The following WDR19 variants were observed in gnomAD, a reference collection of about 807,000 sequenced individuals.
WDR19 encodes WD repeat domain 19, also known as WD repeat-containing protein 19.
A neutral mutation model predicts 180.0 loss-of-function variants in WDR19; 121 were observed. That is an observed-to-expected ratio of 0.67 (90% CI 0.58 to 0.78). WDR19 has a LOEUF of 0.78. Among genes scored for constraint, WDR19 ranks in the 30% least tolerant of loss-of-function variants. The pLI, the probability that WDR19 is intolerant of heterozygous loss-of-function variation, is 0.00. For synonymous variants in WDR19, 497 were observed against 540.7 expected, an observed-to-expected ratio of 0.92 and a Z score of 1.12; for missense variants, 1,450 against 1,640.7, an observed-to-expected ratio of 0.88 and a Z score of 2.01.
intron 9 of WDR19, among the ~76,000 whole-genome samples, chr4:39,213,193 G>A (rs1260143619): frequency 1.3e-5 from 2 of 152,158 alleles, no homozygotes; most frequent in African/African-American, 4.8e-5. Flanking sequence ...TTAAAAAACT[G>A]GACATGCAAT....
chr4:39,230,828 A>G (rs754047807), intron 17 of WDR19, among the ~76,000 whole-genome samples: 12 of 152,218 alleles, frequency 7.9e-5, no homozygotes, highest in Non-Finnish European at 1.6e-4. Context: ...GATGTAATAT[A>G]TTCACTCATG....
At position 39,185,721 on chromosome 4, in the gene WDR19, T is replaced by C; in HGVS notation, c.7-5T>C. Reference sequence around the variant, plus strand: ...AAAATATTAAAAATTGTGTTTATTTTTTAGCGTATTTTCTCACTGCTAGAA... The same window carrying C: ...AAAATATTAAAAATTGTGTTTATTTCTTAGCGTATTTTCTCACTGCTAGAA... On this transcript the variant is annotated splice_polypyrimidine_tract_variant and splice_region_variant and intron_variant, in intron 1 of 36. Transcript: ENST00000399820. The C allele has an allele frequency of 6.4e-7, 1 of 1,552,526 alleles. No individual in the cohort carries two copies.
At chr4:39,280,972 A>G (rs1467259970) in intron 36 of WDR19, among the ~76,000 whole-genome samples, 22 of 152,246 alleles carry the variant, frequency 1.4e-4, no homozygotes, top group Admixed American at 1.4e-3. Context: ...GAATTTGCTG[A>G]AAAGACAAAT....
chr4:39,217,486 A>G (rs911874800), intron 13 of WDR19, among the ~76,000 whole-genome samples: 1 of 152,260 alleles, frequency 6.6e-6, no homozygotes, highest in South Asian at 2.1e-4. Flanking sequence ...GTAAAACAGT[A>G]ATAATAATAA....
intron 24 of WDR19, among the ~76,000 whole-genome samples, chr4:39,248,924 T>TGGG (rs1732825360): frequency 6.6e-6 from 1 of 152,170 alleles, no homozygotes; most frequent in Non-Finnish European, 1.5e-5. Flanking sequence ...AACACCCCAC[T>TGGG]GTCAACATTA....
chr4:39,223,469 T>A (rs7677968), intron 14 of WDR19, among the ~76,000 whole-genome samples: 48,896 of 152,002 alleles, frequency 0.32, 8,061 homozygotes, highest in African/African-American at 0.37. Context: ...TAGCTGGGAT[T>A]ACAGGCACAC....
rs1456946828 is a variant in WDR19 at position 39,278,126 on chromosome 4, T to G, written c.3841-5T>G. 2.5e-6 allele frequency: 4 copies of G among 1,598,336 alleles called. No homozygotes were observed. Among genetic ancestry groups the G allele is most frequent in the Non-Finnish European group, 3.4e-6 (4 of 1,171,962 alleles). On this transcript the variant is annotated splice_polypyrimidine_tract_variant and splice_region_variant and intron_variant, in intron 34 of 36. Coordinates refer to ENST00000399820, the MANE Select transcript of WDR19 (RefSeq NM_025132.4). ...GAATTTAACTCTTAAACATCCTGTT[T>G]CCAGGGTCGACACATGTTGAAAGAT...
chr4:39,200,655 T>C (rs1428193385), intron 6 of WDR19, among the ~76,000 whole-genome samples: 1 of 152,218 alleles, frequency 6.6e-6, no homozygotes, highest in Non-Finnish European at 1.5e-5. Context: ...CATTCAAGAC[T>C]GAAGCTGCAT....
intron 6 of WDR19, among the ~76,000 whole-genome samples, chr4:39,202,326 A>G (rs1409654639): frequency 2.0e-5 from 3 of 152,140 alleles, no homozygotes; most frequent in Non-Finnish European, 1.5e-5. Flanking sequence ...TCGTTTTTAG[A>G]AAGTACTTTG....
chr4:39,284,645 TAAAA>T (rs144371093), intron 36 of WDR19, among the ~76,000 whole-genome samples: 104 of 132,160 alleles, frequency 7.9e-4, no homozygotes, highest in Middle Eastern at 3.9e-3. Context: ...CCTGGCTTTC[TAAAA>T]AAAAAAAAAA....
At chr4:39,283,074 G>A (rs1222150468) in intron 36 of WDR19, among the ~76,000 whole-genome samples, 2 of 152,176 alleles carry the variant, frequency 1.3e-5, no homozygotes, top group Non-Finnish European at 2.9e-5. Context: ...TTGGAAGAAG[G>A]CATTTAGTAT....
In WDR19 at chr4:39,231,851, T is replaced by A; in HGVS notation, c.2037T>A (p.Asn679Lys). Residue 679 changes from asparagine to lysine, a missense_variant, in exon 18 of 37, where the codon AAT becomes AAA. Coordinates refer to ENST00000399820, the MANE Select transcript of WDR19 (RefSeq NM_025132.4). ...CRILNDEAAW[N>K]ELARACLHHM... is the part of the protein sequence containing the mutation. ...TTCTGAATGATGAGGCTGCCTGGAA[T>A]GAGTTGGCCAGAGCTTGTCTACATC... is the stretch of plus-strand genomic sequence containing the variant. The A allele has an allele frequency of 6.2e-7, 1 of 1,607,400 alleles. No homozygotes were observed. The highest frequency in any genetic ancestry group is 8.5e-7 in the Non-Finnish European group (1 of 1,174,694).
At position 39,240,354 on chromosome 4, in the gene WDR19, A is replaced by G. The variant is rs1309972555; in HGVS notation, c.2421+20A>G. The G allele has an allele frequency of 2.2e-6, 3 of 1,360,456 alleles. No homozygotes were observed. In the East Asian group the frequency reaches 8.6e-5, roughly 39 times the overall value. 84.3% of individuals were successfully genotyped at this position (1,360,456 alleles called of 1,614,324 possible). A position where few individuals can be genotyped will look rare whatever the true frequency, so the allele number is the denominator to read the frequency against. ...AATAAGGTAACCTTGGATAAAGATA[A>G]GATATGCCTAATTATGTCTGGGTTT... On this transcript the variant is annotated intron_variant, in intron 21 of 36. Transcript: ENST00000399820.
intron 9 of WDR19, among the ~76,000 whole-genome samples, chr4:39,212,660 A>G (rs1728673747): frequency 6.6e-6 from 1 of 152,216 alleles, no homozygotes; most frequent in Non-Finnish European, 1.5e-5. Flanking sequence ...AGATGAAAAG[A>G]TAAGCTGCAA....
Position 39,214,485 on chromosome 4 carries a change from G to C in WDR19, c.891-116G>C, listed in dbSNP as rs1006111286. The C allele has an allele frequency of 9.8e-6, 6 of 610,498 alleles. No homozygotes were observed. The Admixed American group carries it at 1.3e-4, about 13-fold the overall frequency. 37.8% of individuals were successfully genotyped at this position (610,498 alleles called of 1,614,324 possible). On this transcript the variant is annotated intron_variant, in intron 9 of 36. Transcript: ENST00000399820. ...TTTTCTTAACCCAGTAGATCATTCT[G>C]TACATCACATTTTGGAGACCAGTAA...
At position 39,274,826 on chromosome 4, in the gene WDR19, C is replaced by T. The variant is rs370847858; in HGVS notation, c.3584C>T (p.Thr1195Met). Residue 1195 changes from threonine (T) to methionine (M), a missense_variant, in exon 33 of 37, where the codon ACG becomes ATG. Coordinates refer to ENST00000399820, the MANE Select transcript of WDR19 (RefSeq NM_025132.4). ...CTTGCAGACATTGTACCCATCCTGACGTCAACTGTGATTGAGTGTCACAGG... is the reference window on the plus strand; with the variant it reads ...CTTGCAGACATTGTACCCATCCTGATGTCAACTGTGATTGAGTGTCACAGG... ...KFPSHIVPIL[T>M]STVIECHRAG... 11 of 1,613,738 alleles carry T rather than the reference C, an allele frequency of 6.8e-6. No homozygotes were observed. Among genetic ancestry groups the T allele is most frequent in the East Asian group, 6.7e-5 (3 of 44,888 alleles).
At chr4:39,204,092 G>GT (rs931641618) in intron 7 of WDR19, among the ~76,000 whole-genome samples, 231 of 145,926 alleles carry the variant, frequency 1.6e-3, no homozygotes, top group East Asian at 0.012. Flanking sequence ...TTTTTTGTTT[G>GT]TTTTTTTTTT....
intron 1 of WDR19, among the ~76,000 whole-genome samples, chr4:39,184,590 C>A (rs1725318595): frequency 6.6e-6 from 1 of 151,920 alleles, no homozygotes; most frequent in African/African-American, 2.4e-5. Flanking sequence ...CCTCAGCCTC[C>A]CAAGTAGATG....
intron 36 of WDR19, among the ~76,000 whole-genome samples, chr4:39,283,932 G>A (rs896098925): frequency 1.3e-5 from 2 of 152,082 alleles, no homozygotes; most frequent in African/African-American, 4.8e-5. Context: ...GCACTTTCAC[G>A]ATTGTCTCCA....
Sources: allele counts gnomAD v4.1 joint callset (sites outside exome capture counted in the v4.1 genomes callset), GRCh38; gene constraint gnomAD v4.1.1; transcripts MANE v1.5; gene names NCBI Gene and HGNC (gene_info 2026-07-23, HGNC 2026-07-21).